ALPK2: variants seen among roughly 807,000 people sequenced by gnomAD.
ALPK2 encodes alpha kinase 2.
ALPK2 carries 127 observed loss-of-function variants against 163.1 expected under a neutral mutation model. The observed-to-expected ratio is 0.78, with a 90% confidence interval of 0.67 to 0.90. The LOEUF is 0.90. Among genes scored for constraint, ALPK2 ranks in the 40% least tolerant of loss-of-function variants. The probability of loss-of-function intolerance (pLI) is 0.00; values close to 1 mark genes in which losing one functional copy is unlikely to be tolerated. For missense variants in ALPK2, 2,360 were observed against 2,589.6 expected (o/e 0.91, Z 1.92); for synonymous variants, 953 against 959.1 (o/e 0.99, Z 0.12).
At chr18:58,491,806 T>G (rs1014330440) in intron 12 of ALPK2, among the ~76,000 whole-genome samples, 6 of 152,286 alleles carry the variant, frequency 3.9e-5, no homozygotes, top group South Asian at 2.1e-4. Flanking sequence ...GGAGAACTTG[T>G]GGGGCGGTTA....
intron 3 of ALPK2, among the ~76,000 whole-genome samples, chr18:58,581,400 T>C (rs937456069): frequency 6.6e-6 from 1 of 152,234 alleles, no homozygotes; most frequent in South Asian, 2.1e-4. Context: ...CCACAGCCCG[T>C]GAGCTCCACT....
chr18:58,543,229 C>T (rs2051700036), intron 4 of ALPK2: 2 of 442,112 alleles, frequency 4.5e-6, no homozygotes, highest in South Asian at 1.9e-4. Flanking sequence ...AAGATGCAGG[C>T]CCTCTGCCTG....
intron 3 of ALPK2, among the ~76,000 whole-genome samples, chr18:58,592,524 G>A (rs1842404950): frequency 6.6e-6 from 1 of 152,174 alleles, no homozygotes. Context: ...TCATGTGTAA[G>A]GGACAATAAA....
At chr18:58,620,622 T>A (rs1364764521) in intron 1 of ALPK2, among the ~76,000 whole-genome samples, 10 of 152,014 alleles carry the variant, frequency 6.6e-5, no homozygotes. Context: ...ATTTGCTTTT[T>A]AAAAAAAATC....
intron 3 of ALPK2, among the ~76,000 whole-genome samples, chr18:58,586,114 A>G (rs2051985736): frequency 6.6e-6 from 1 of 152,196 alleles, no homozygotes; most frequent in Non-Finnish European, 1.5e-5. Flanking sequence ...ACTTTTTAAA[A>G]CCACGTTGTT....
intron 4 of ALPK2, among the ~76,000 whole-genome samples, chr18:58,567,152 G>A (rs1028714735): frequency 2.0e-5 from 3 of 151,804 alleles, no homozygotes; most frequent in East Asian, 1.9e-4. Flanking sequence ...TTGGGAGGCC[G>A]AAGCAGGCAG....
intron 4 of ALPK2, among the ~76,000 whole-genome samples, chr18:58,551,568 T>C (rs1329444831): frequency 6.6e-6 from 1 of 152,188 alleles, no homozygotes; most frequent in East Asian, 1.9e-4. Flanking sequence ...ACTAAAGCAA[T>C]CCATTCTTTT....
chr18:58,603,609 C>T (rs369826751), intron 3 of ALPK2, among the ~76,000 whole-genome samples: 3 of 152,206 alleles, frequency 2.0e-5, no homozygotes, highest in Non-Finnish European at 4.4e-5. Flanking sequence ...TCAAAGGAGG[C>T]CTCCCTGCTG....
chr18:58,520,503 G>A (rs1372605448), intron 8 of ALPK2, among the ~76,000 whole-genome samples: 2 of 145,314 alleles, frequency 1.4e-5, no homozygotes, highest in African/African-American at 5.0e-5. Flanking sequence ...CGTCAGATGA[G>A]TGTTGGGAGA....
intron 1 of ALPK2, among the ~76,000 whole-genome samples, chr18:58,625,675 G>T (rs1046059810): frequency 1.3e-5 from 2 of 152,244 alleles, no homozygotes; most frequent in African/African-American, 4.8e-5. Flanking sequence ...TTTAAGAGCA[G>T]GGGCCTGGTT....
At chr18:58,553,949 C>T (rs1173445875) in intron 4 of ALPK2, among the ~76,000 whole-genome samples, 2 of 140,614 alleles carry the variant, frequency 1.4e-5, no homozygotes, top group Non-Finnish European at 3.0e-5. Context: ...GAAACCTCTG[C>T]CTCCCAGGTT....
intron 10 of ALPK2, among the ~76,000 whole-genome samples, chr18:58,508,817 C>T (rs2051474415): frequency 1.3e-5 from 2 of 152,098 alleles, no homozygotes; most frequent in East Asian, 1.9e-4. Context: ...GCGTGAGATC[C>T]AAGAACCCTC....
At chr18:58,543,339 C>A (rs1178283809) in intron 4 of ALPK2, 1 of 985,200 alleles carries the variant, frequency 1.0e-6, no homozygotes, top group Non-Finnish European at 1.2e-6. Flanking sequence ...CGGACTAAGT[C>A]ACAGAGGGAA....
intron 3 of ALPK2, among the ~76,000 whole-genome samples, chr18:58,589,243 A>C (rs1045191735): frequency 1.3e-5 from 2 of 152,158 alleles, no homozygotes; most frequent in Non-Finnish European, 2.9e-5. Context: ...TTATTTGCAA[A>C]GGGGAAAGAA....
intron 1 of ALPK2, among the ~76,000 whole-genome samples, chr18:58,623,876 G>A (rs1334024352): frequency 6.6e-6 from 1 of 152,006 alleles, no homozygotes; most frequent in Non-Finnish European, 1.5e-5. Flanking sequence ...ATTTTTTCTG[G>A]CTTACCTTTA....
chr18:58,622,982 C>T (rs2052210205), intron 1 of ALPK2, among the ~76,000 whole-genome samples: 1 of 152,164 alleles, frequency 6.6e-6, no homozygotes, highest in Non-Finnish European at 1.5e-5. Context: ...TCCCCGCCCC[C>T]CGACAGAAAT....
chr18:58,551,965 G>T (rs2051762364), intron 4 of ALPK2, among the ~76,000 whole-genome samples: 1 of 152,164 alleles, frequency 6.6e-6, no homozygotes, highest in African/African-American at 2.4e-5. Flanking sequence ...TTTATGGTCA[G>T]ATTTAGACCC....
chr18:58,610,953 G>T (rs1259722622), intron 2 of ALPK2, among the ~76,000 whole-genome samples: 1 of 152,124 alleles, frequency 6.6e-6, no homozygotes, highest in Admixed American at 6.5e-5. Context: ...AATTAGCCGG[G>T]TGTAGTGGCG....
intron 8 of ALPK2, among the ~76,000 whole-genome samples, chr18:58,518,128 C>A (rs1479040081): frequency 6.6e-6 from 1 of 152,150 alleles, no homozygotes; most frequent in Non-Finnish European, 1.5e-5. Flanking sequence ...CTGATGAAAA[C>A]TGACATCTTT....
Sources: allele counts gnomAD v4.1 joint callset (sites outside exome capture counted in the v4.1 genomes callset), GRCh38; gene constraint gnomAD v4.1.1; transcripts MANE v1.5; gene names NCBI Gene and HGNC (gene_info 2026-07-23, HGNC 2026-07-21).